Variants in CRYZ observed in about 807,000 individuals in gnomAD.
CRYZ encodes crystallin zeta.
Under a neutral mutation model 34.1 loss-of-function variants are expected in CRYZ, and 35 were observed. That is an observed-to-expected ratio of 1.03 (90% CI 0.78 to 1.36). CRYZ has a LOEUF of 1.36. Among genes scored for constraint, CRYZ ranks in the 40% most tolerant of loss-of-function variants. CRYZ has a pLI of 0.00. For missense variants in CRYZ, 403 were observed against 391.8 expected, an observed-to-expected ratio of 1.03 and a Z score of -0.24; for synonymous variants, 137 against 136.5, an observed-to-expected ratio of 1.00 and a Z score of -0.03.
intron 1 of CRYZ, among the ~76,000 whole-genome samples, chr1:74,726,213 T>C (rs888899610): frequency 2.6e-5 from 4 of 152,220 alleles, no homozygotes; most frequent in African/African-American, 9.6e-5. Flanking sequence ...ATTTCCCTTC[T>C]GCACTGCCCT....
At chr1:74,711,619 C>T (rs899043268) in intron 5 of CRYZ, among the ~76,000 whole-genome samples, 36 of 152,198 alleles carry the variant, frequency 2.4e-4, no homozygotes, top group Admixed American at 1.2e-3. Context: ...AGTGTGGTGG[C>T]GCATGCCTGT....
At chr1:74,728,641 T>C (rs1482548121) in intron 1 of CRYZ, among the ~76,000 whole-genome samples, 1 of 152,220 alleles carries the variant, frequency 6.6e-6, no homozygotes, top group Non-Finnish European at 1.5e-5. Context: ...CTATAAAATG[T>C]CATTCCACAT....
chr1:74,706,835 T>C, intron 8 of CRYZ, 64 bp downstream of exon 8: 6 of 1,359,908 alleles, frequency 4.4e-6, no homozygotes, highest in Non-Finnish European at 6.3e-6. Context: ...ACTTTCAGCT[T>C]GCCTGAGTAG....
Position 74,714,500 on chromosome 1 carries a change from T to C in CRYZ, c.480+79A>G. On this transcript the variant is annotated intron_variant, in intron 5 of 8. Transcript: ENST00000340866. ...TTGACTCTATTTATAAATCTGACTT[T>C]TAAAAATGACCAAAGGAACTATAAT... 17 of 1,385,462 alleles carry C rather than the reference T, an allele frequency of 1.2e-5. No homozygotes were observed. The South Asian group carries it at 1.8e-4, about 14-fold the overall frequency. The allele number at this position is 1,385,462 out of a possible 1,614,324, so 85.8% of individuals were successfully genotyped here.
intron 3 of CRYZ, among the ~76,000 whole-genome samples, chr1:74,722,593 C>CATAT (rs71078199): frequency 0.028 from 4,209 of 148,576 alleles, 62 homozygotes; most frequent in Non-Finnish European, 0.043. Flanking sequence ...TGTCTTTGGG[C>CATAT]ATATATATAT....
At position 74,707,329 on chromosome 1, in the gene CRYZ, A is replaced by T. The variant is rs952634229; in HGVS notation, c.631-125T>A. 6 of 592,698 alleles carry T rather than the reference A, an allele frequency of 1.0e-5. No homozygotes were observed. In the South Asian group the frequency reaches 1.1e-4, roughly 11 times the overall value. The allele number at this position is 592,698 out of a possible 1,614,324, so 36.7% of individuals were successfully genotyped here. A position where few individuals can be genotyped will look rare whatever the true frequency, so the allele number is the denominator to read the frequency against. On this transcript the variant is annotated intron_variant, in intron 6 of 8. Transcript: ENST00000340866. ...ATATAAATGCTACATCTTTGAGACT[A>T]ATAATGCAAAATTTTAAATAATCTA... is the stretch of plus-strand genomic sequence containing the variant.
chr1:74,718,020 C>T (rs1351066051), intron 4 of CRYZ, among the ~76,000 whole-genome samples: 2 of 151,276 alleles, frequency 1.3e-5, no homozygotes, highest in African/African-American at 4.8e-5. Context: ...GGCTACTGAA[C>T]TTCTCCATTA....
intron 6 of CRYZ, among the ~76,000 whole-genome samples, chr1:74,709,379 G>A (rs1208982903): frequency 2.6e-5 from 4 of 152,030 alleles, no homozygotes. Flanking sequence ...ACAAAGGAGT[G>A]CTTTTGTTCG....
At chr1:74,707,785 C>T (rs1646949835) in intron 6 of CRYZ, 1 of 152,214 alleles carries the variant, frequency 6.6e-6, no homozygotes, top group Non-Finnish European at 1.5e-5. Context: ...AACACACACA[C>T]ACAAATGAAT....
At chr1:74,731,231 G>A (rs1570032848) in intron 1 of CRYZ, among the ~76,000 whole-genome samples, 1 of 152,132 alleles carries the variant, frequency 6.6e-6, no homozygotes, top group Non-Finnish European at 1.5e-5. Flanking sequence ...TCCTGGCTAT[G>A]CTTGTATCCA....
chr1:74,726,248 GCTCCATCC>G (rs1362717174), intron 1 of CRYZ, among the ~76,000 whole-genome samples: 1 of 152,198 alleles, frequency 6.6e-6, no homozygotes, highest in Non-Finnish European at 1.5e-5. Context: ...CTCCATGAGG[GCTCCATCC>G]CTGCAGCATA....
intron 6 of CRYZ, 69 bp from the exon 7 acceptor site, chr1:74,707,273 C>T (rs1163110455): frequency 7.3e-6 from 6 of 826,198 alleles, no homozygotes; most frequent in South Asian, 3.1e-5. Context: ...ACTATCTGTA[C>T]AAGATATTAT....
intron 3 of CRYZ, among the ~76,000 whole-genome samples, chr1:74,719,669 T>C (rs1647129378): frequency 6.6e-6 from 1 of 151,960 alleles, no homozygotes; most frequent in African/African-American, 2.4e-5. Context: ...CTGATTTTTG[T>C]ATTTTTAGTA....
chr1:74,714,132 A>G (rs1647040060), intron 5 of CRYZ, among the ~76,000 whole-genome samples: 1 of 152,056 alleles, frequency 6.6e-6, no homozygotes, highest in Non-Finnish European at 1.5e-5. Context: ...GAAGGGAGAT[A>G]GAAGGACTAA....
At chr1:74,712,792 C>A (rs886586886) in intron 5 of CRYZ, among the ~76,000 whole-genome samples, 5 of 152,208 alleles carry the variant, frequency 3.3e-5, no homozygotes, top group Non-Finnish European at 7.3e-5. Flanking sequence ...TGTGTTCTAA[C>A]TGCTTTAAAA....
chr1:74,715,898 C>G (rs1053774264), intron 4 of CRYZ, among the ~76,000 whole-genome samples: 4 of 148,338 alleles, frequency 2.7e-5, no homozygotes, highest in South Asian at 2.1e-4. Context: ...TACTCTGTTA[C>G]AGAAACAGTG....
chr1:74,732,884 C>G, intron 1 of CRYZ, 72 bp downstream of exon 1: 1 of 223,088 alleles, frequency 4.5e-6, no homozygotes, highest in South Asian at 8.0e-5. Context: ...AAATCAAACT[C>G]GGTTCCACTT....
intron 5 of CRYZ, among the ~76,000 whole-genome samples, chr1:74,711,643 T>A (rs1326669276): frequency 6.6e-6 from 1 of 152,036 alleles, no homozygotes; most frequent in Non-Finnish European, 1.5e-5. Context: ...CCCAGCTATG[T>A]GGGAGGCTGA....
chr1:74,724,376 C>G (rs532619823), intron 2 of CRYZ, among the ~76,000 whole-genome samples: 10 of 152,224 alleles, frequency 6.6e-5, no homozygotes, highest in African/African-American at 2.4e-4. Flanking sequence ...GTTTTCCCAG[C>G]ATGCAAAAAA....
Sources: allele counts gnomAD v4.1 joint callset (sites outside exome capture counted in the v4.1 genomes callset), GRCh38; gene constraint gnomAD v4.1.1; transcripts MANE v1.5; gene names NCBI Gene and HGNC (gene_info 2026-07-23, HGNC 2026-07-21).